Variants in SHROOM2 observed in about 807,000 individuals in gnomAD.
The protein encoded by SHROOM2 is protein Shroom2.
A neutral mutation model predicts 75.9 loss-of-function variants in SHROOM2; 33 were observed. The observed-to-expected ratio is 0.43, with a 90% CI of 0.33 to 0.58. SHROOM2 has a LOEUF of 0.58. Among genes scored for constraint, SHROOM2 ranks in the 20% least tolerant of loss-of-function variants. The pLI, the probability that SHROOM2 is intolerant of heterozygous loss-of-function variation, is 0.04. For synonymous variants in SHROOM2, 655 were observed against 663.6 expected (o/e 0.99, Z 0.20); for missense variants, 1,434 against 1,461.2 (o/e 0.98, Z 0.30).
chrX:9,893,732 A>G (rs1248382854), intron 3 of SHROOM2, among the ~76,000 whole-genome samples: 1 of 110,598 alleles, frequency 9.0e-6, no homozygotes, highest in East Asian at 2.8e-4. Flanking sequence ...CAGGCAGATC[A>G]CTTGAGGTCA....
intron 5 of SHROOM2, among the ~76,000 whole-genome samples, chrX:9,920,682 A>G (rs1012028340): frequency 7.1e-5 from 8 of 112,187 alleles, no homozygotes; most frequent in Admixed American, 2.8e-4. Flanking sequence ...GCTATAAGCA[A>G]TTGTTGGGAA....
chrX:9,864,151 AT>A lies in SHROOM2; in HGVS notation c.166-9498del, dbSNP rs2084120282. ...CTTGCTGCCTTGCTGGATGGGTCAC[AT>A]TTCCTTCCCCAAGCGCCGGTACCTT... On this transcript the variant is annotated intron_variant, in intron 1 of 9. Transcript: ENST00000380913. Among the ~76,000 whole-genome samples the A allele has an allele frequency of 3.6e-5, 4 of 110,874 alleles. No individual in the cohort carries two copies. The South Asian group carries it at 1.5e-3, about 43-fold the overall frequency.
chrX:9,858,917 C>T (rs970778566), intron 1 of SHROOM2, among the ~76,000 whole-genome samples: 2 of 109,554 alleles, frequency 1.8e-5, no homozygotes, highest in Admixed American at 1.9e-4. Context: ...CTTGATACTT[C>T]TAAGATGGAC....
At position 9,932,669 on chromosome X, in the gene SHROOM2, C is replaced by T. The variant is rs1014555841; in HGVS notation, c.3386C>T (p.Ala1129Val). ...SSAQPQDTPK[A>V]TVCERGSQHV... Reference sequence around the variant, plus strand: ...GCCCAGCCCCAGGACACCCCGAAGGCCACTGTCTGTGAGCGTGGAAGCCAG... The same window carrying T: ...GCCCAGCCCCAGGACACCCCGAAGGTCACTGTCTGTGAGCGTGGAAGCCAG... The change falls in exon 6 of 10, where the codon GCC becomes GTC. Residue 1129 changes from alanine (A) to valine (V), a missense_variant. Transcript: ENST00000380913. 27 of 1,209,968 alleles carry T rather than the reference C, an allele frequency of 2.2e-5. No homozygotes were observed. The highest frequency in any genetic ancestry group is 2.7e-5 in the Non-Finnish European group (24 of 894,963).
intron 5 of SHROOM2, among the ~76,000 whole-genome samples, chrX:9,927,176 C>T (rs1360876015): frequency 9.2e-6 from 1 of 108,949 alleles, no homozygotes; most frequent in South Asian, 4.0e-4. Context: ...TGGTGAACCC[C>T]ATCTCTACAA....
At chrX:9,943,076 A>G (rs1288758773) in intron 8 of SHROOM2, among the ~76,000 whole-genome samples, 2 of 109,626 alleles carry the variant, frequency 1.8e-5, no homozygotes, top group East Asian at 5.7e-4. Flanking sequence ...AAATAAAAAA[A>G]TTATCTGGGT....
intron 2 of SHROOM2, among the ~76,000 whole-genome samples, chrX:9,888,416 C>T (rs1456908873): frequency 9.0e-6 from 1 of 111,722 alleles, no homozygotes; most frequent in Non-Finnish European, 1.9e-5. Context: ...TGGCATGGCA[C>T]GGTCACTGGA....
intron 1 of SHROOM2, among the ~76,000 whole-genome samples, chrX:9,847,607 C>T (rs1237953507): frequency 8.9e-6 from 1 of 112,043 alleles, no homozygotes; most frequent in Non-Finnish European, 1.9e-5. Context: ...TGCAAAACGG[C>T]CAGTTGCATA....
At chrX:9,829,944 T>TATTTTATTTTA (rs2083906724) in intron 1 of SHROOM2, among the ~76,000 whole-genome samples, 1 of 107,307 alleles carries the variant, frequency 9.3e-6, no homozygotes, top group Non-Finnish European at 1.9e-5. Flanking sequence ...TGGCCCAGTT[T>TATTTTATTTTA]TTTTTATTTT....
intron 6 of SHROOM2, among the ~76,000 whole-genome samples, chrX:9,935,989 G>A (rs1342032371): frequency 3.6e-5 from 4 of 111,524 alleles, no homozygotes; most frequent in Non-Finnish European, 5.7e-5. Flanking sequence ...GCAGGTGCAG[G>A]GCTGCCCCAG....
chrX:9,808,220 A>C (rs2083767135), intron 1 of SHROOM2, among the ~76,000 whole-genome samples: 2 of 110,752 alleles, frequency 1.8e-5, no homozygotes, highest in African/African-American at 6.6e-5. Context: ...GGGGAGGCTG[A>C]AGGAAGCCTT....
rs112457840 is a variant in SHROOM2 at position 9,826,210 on chromosome X, C to A, written c.165+39500C>A. 3.5e-3 allele frequency among the ~76,000 whole-genome samples: 395 copies of A among 112,031 alleles called. 1 individual carries two copies. The highest frequency in any genetic ancestry group is 0.012 in the African/African-American group (371 of 30,825). ...ATCATGACCTTTGTCACTTTCTTCC[C>A]CTTGCCTTGTTTTTGCACATTGGAA... On this transcript the variant is annotated intron_variant, in intron 1 of 9. Transcript: ENST00000380913.
chrX:9,889,948 C>T (rs753264903), intron 2 of SHROOM2, among the ~76,000 whole-genome samples: 1 of 112,649 alleles, frequency 8.9e-6, no homozygotes, highest in East Asian at 2.8e-4. Flanking sequence ...CATACTGGGG[C>T]AGGGAGAGGG....
chrX:9,932,340 T>G lies in SHROOM2; in HGVS notation c.3057T>G (p.Tyr1019Ter). The part of the protein sequence containing the change: ...RGRAGTLPRD[Y>*]RYSEESTPAD... ...GAGCGGGAACCCTACCTCGAGATTA[T>G]AGATACTCGGAGGAGAGCACCCCAG... The change falls in exon 6 of 10, where the codon TAT becomes TAG. Residue 1019 changes from tyrosine (Y) to a stop codon, truncating the protein, a stop_gained. Transcript: ENST00000380913. LOFTEE classifies it high-confidence loss of function. 1 of 1,209,826 alleles carries G rather than the reference T, an allele frequency of 8.3e-7. No individual in the cohort carries two copies. Among genetic ancestry groups the G allele is most frequent in the Non-Finnish European group, 1.1e-6 (1 of 894,645 alleles).
At chrX:9,847,049 A>G (rs1344439966) in intron 1 of SHROOM2, among the ~76,000 whole-genome samples, 1 of 111,728 alleles carries the variant, frequency 9.0e-6, no homozygotes, top group Non-Finnish European at 1.9e-5. Context: ...TGGTTTTCTC[A>G]TTTTGGTTTC....
Position 9,912,252 on chromosome X carries a change from T to C in SHROOM2, c.2891+13962T>C, listed in dbSNP as rs72612818. Among the ~76,000 whole-genome samples, 119 of 36,766 alleles carry C rather than the reference T, an allele frequency of 3.2e-3. 6 individuals carry two copies. The East Asian group carries it at 0.035, about 11-fold the overall frequency. 31.9% of individuals were successfully genotyped at this position (36,766 alleles called of 115,157 possible). A position where few individuals can be genotyped will look rare whatever the true frequency, so the allele number is the denominator to read the frequency against. The stretch of plus-strand genomic sequence containing the variant: ...ACACACACACACACACACACACACA[T>C]AAAGGAAGACTGCCCCCCAAGCCTT... On this transcript the variant is annotated intron_variant, in intron 5 of 9. Transcript: ENST00000380913.
chrX:9,890,044 T>A (rs1184361136), intron 2 of SHROOM2, among the ~76,000 whole-genome samples: 2 of 112,917 alleles, frequency 1.8e-5, no homozygotes, highest in African/African-American at 6.4e-5. Context: ...AGTTAACAGT[T>A]GTCCATATTT....
At chrX:9,897,485 G>C (rs1338453944) in intron 4 of SHROOM2, among the ~76,000 whole-genome samples, 1 of 106,305 alleles carries the variant, frequency 9.4e-6, no homozygotes, top group Non-Finnish European at 1.9e-5. Flanking sequence ...TTGGAAGACC[G>C]AGGAAGGATG....
chrX:9,937,775 A>T, intron 7 of SHROOM2, 90 bp downstream of exon 7: 1 of 846,058 alleles, frequency 1.2e-6, no homozygotes. Context: ...CTCTGTTTTC[A>T]TGCGTGCTTT....
Sources: allele counts gnomAD v4.1 joint callset (sites outside exome capture counted in the v4.1 genomes callset), GRCh38; gene constraint gnomAD v4.1.1; transcripts MANE v1.5; gene names NCBI Gene and HGNC (gene_info 2026-07-23, HGNC 2026-07-21).